Variants in TULP4 observed in about 807,000 individuals in gnomAD.
The protein encoded by TULP4 is TUB like protein 4.
Under a neutral mutation model 129.0 loss-of-function variants are expected in TULP4, and 16 were observed. The ratio of observed to expected loss-of-function variants is 0.12; its 90% CI spans 0.08 to 0.19. The LOEUF (loss-of-function observed/expected upper bound fraction) is 0.19. TULP4 is among the 10% of genes least tolerant of loss of function. The pLI is 1.00. For missense variants in TULP4, 1,842 were observed against 2,059.1 expected (o/e 0.89, Z 2.04); for synonymous variants, 998 against 854.0 (o/e 1.17, Z -2.94).
chr6:158,304,474 A>G (rs771147074), intron 1 of TULP4, among the ~76,000 whole-genome samples: 4 of 152,180 alleles, frequency 2.6e-5, no homozygotes, highest in Non-Finnish European at 5.9e-5. Flanking sequence ...ATTTATTCTT[A>G]ATGAAAACAC....
intron 1 of TULP4, among the ~76,000 whole-genome samples, chr6:158,263,926 G>A (rs1224016054): frequency 6.6e-6 from 1 of 152,072 alleles, no homozygotes; most frequent in Non-Finnish European, 1.5e-5. Context: ...ACCTGGGCGT[G>A]GTGGCAGGTG....
intron 1 of TULP4, among the ~76,000 whole-genome samples, chr6:158,260,443 G>A (rs1158349273): frequency 6.6e-6 from 1 of 152,074 alleles, no homozygotes; most frequent in Non-Finnish European, 1.5e-5. Flanking sequence ...GGGCGAGGTG[G>A]TGGGCGCCTG....
intron 1 of TULP4, among the ~76,000 whole-genome samples, chr6:158,384,568 G>A (rs538071020): frequency 4.6e-5 from 7 of 152,248 alleles, no homozygotes; most frequent in South Asian, 4.1e-4. Flanking sequence ...GATTACAGGC[G>A]TGAGCCACCA....
In TULP4 at chr6:158,507,623, C is replaced by G. The variant is rs958389706; in HGVS notation, c.*929C>G. 1 of 152,182 alleles carries G rather than the reference C, an allele frequency of 6.6e-6. No homozygotes were observed. Among genetic ancestry groups the G allele is most frequent in the Admixed American group, 6.5e-5 (1 of 15,286 alleles). The allele number at this position is 152,182 out of a possible 1,614,324, so 9.4% of individuals were successfully genotyped here. A position where few individuals can be genotyped will look rare whatever the true frequency, so the allele number is the denominator to read the frequency against. Reference sequence around the variant, plus strand: ...AATAATGTGGTGACAGTCACTAGATCCTCACATGCTGAGAAACAGCCTCTA... The same window carrying G: ...AATAATGTGGTGACAGTCACTAGATGCTCACATGCTGAGAAACAGCCTCTA... On this transcript the variant is annotated 3_prime_UTR_variant, in exon 14 of 14. Coordinates refer to ENST00000367097, the MANE Select transcript of TULP4 (RefSeq NM_020245.5).
chr6:158,378,873 G>C (rs947676009), intron 1 of TULP4, among the ~76,000 whole-genome samples: 1 of 152,198 alleles, frequency 6.6e-6, no homozygotes, highest in Non-Finnish European at 1.5e-5. Context: ...AAGTGAACTT[G>C]TATTTAATTG....
intron 1 of TULP4, among the ~76,000 whole-genome samples, chr6:158,379,738 A>G (rs1396374803): frequency 6.6e-6 from 1 of 152,214 alleles, no homozygotes. Context: ...CAAAGAAAGA[A>G]AGTGAGGGGA....
intron 2 of TULP4, among the ~76,000 whole-genome samples, chr6:158,424,199 C>T (rs562535983): frequency 4.0e-4 from 61 of 152,240 alleles, no homozygotes; most frequent in African/African-American, 1.3e-3. Context: ...TGGAAGCACA[C>T]GTATATGATG....
At chr6:158,323,486 G>A (rs1779680833) in intron 1 of TULP4, among the ~76,000 whole-genome samples, 2 of 152,104 alleles carry the variant, frequency 1.3e-5, no homozygotes, top group African/African-American at 4.8e-5. Flanking sequence ...CAACTCTTCT[G>A]GTAAAGCAAC....
intron 1 of TULP4, among the ~76,000 whole-genome samples, chr6:158,409,821 A>G (rs1358648391): frequency 1.3e-5 from 2 of 151,916 alleles, no homozygotes; most frequent in Admixed American, 1.3e-4. Context: ...AAATGGGACT[A>G]TGTTTCCATG....
At chr6:158,434,147 CA>C (rs1778698194) in intron 3 of TULP4, among the ~76,000 whole-genome samples, 1 of 152,184 alleles carries the variant, frequency 6.6e-6, no homozygotes, top group Non-Finnish European at 1.5e-5. Context: ...CATATTACCT[CA>C]TTTAACTGTA....
intron 1 of TULP4, among the ~76,000 whole-genome samples, chr6:158,375,699 G>A (rs150005608): frequency 5.3e-5 from 8 of 152,170 alleles, no homozygotes; most frequent in South Asian, 2.1e-4. Flanking sequence ...TAAAATGCAC[G>A]CTGCTTAGTT....
At position 158,274,340 on chromosome 6, in the gene TULP4, C is replaced by G. The variant is rs183982818; in HGVS notation, n.69-37711C>G. Among the ~76,000 whole-genome samples, 214 of 152,318 alleles carry G rather than the reference C, an allele frequency of 1.4e-3. 1 individual carries two copies. Among genetic ancestry groups the G allele is most frequent in the African/African-American group, 4.5e-3 (188 of 41,576 alleles). On this transcript the variant is annotated intron_variant and non_coding_transcript_variant, in intron 1 of 1. Transcript: ENST00000620026. ...CCCAGCTGCTCTCTTGTCCCTCTCTCTAATGAGCATCTTAGTGCTGGCCAC... is the reference window on the plus strand; with the variant it reads ...CCCAGCTGCTCTCTTGTCCCTCTCTGTAATGAGCATCTTAGTGCTGGCCAC...
intron 1 of TULP4, among the ~76,000 whole-genome samples, chr6:158,347,524 C>T (rs1780340513): frequency 6.6e-6 from 1 of 152,162 alleles, no homozygotes; most frequent in Non-Finnish European, 1.5e-5. Context: ...GACCAATCTA[C>T]CCTCTGACTT....
chr6:158,410,984 G>C (rs1187397887), intron 1 of TULP4, among the ~76,000 whole-genome samples: 1 of 152,058 alleles, frequency 6.6e-6, no homozygotes, highest in African/African-American at 2.4e-5. Context: ...TTTATCATAG[G>C]CAGGCAGGCA....
At position 158,494,854 on chromosome 6, in the gene TULP4, T is replaced by C; in HGVS notation, c.1870+8T>C. 1 of 1,612,698 alleles carries C rather than the reference T, an allele frequency of 6.2e-7. No individual in the cohort carries two copies. The highest frequency in any genetic ancestry group is 8.5e-7 in the Non-Finnish European group (1 of 1,178,858). ...CAACCAACCTCGGTGCAGGTAAAAA[T>C]CATGTCCTCTTCTCTCATTGTCCCA... is the stretch of plus-strand genomic sequence containing the variant. On this transcript the variant is annotated splice_region_variant and intron_variant, in intron 11 of 13. Transcript: ENST00000367097.
chr6:158,266,320 A>G (rs1778444682), intron 1 of TULP4, among the ~76,000 whole-genome samples: 1 of 152,222 alleles, frequency 6.6e-6, no homozygotes, highest in African/African-American at 2.4e-5. Context: ...GCGGTGATGC[A>G]GTCACGACTC....
chr6:158,500,876 C>G (rs1287899170), intron 12 of TULP4, among the ~76,000 whole-genome samples: 2 of 152,172 alleles, frequency 1.3e-5, no homozygotes, highest in African/African-American at 2.4e-5. Context: ...ACCAGCCTGG[C>G]CAACATGGCA....
intron 1 of TULP4, among the ~76,000 whole-genome samples, chr6:158,265,155 A>G (rs1447911837): frequency 6.6e-6 from 1 of 152,216 alleles, no homozygotes; most frequent in Non-Finnish European, 1.5e-5. Context: ...GTTCACTTGC[A>G]GATGGGAAAG....
rs746265193 is a variant in TULP4, at chr6:158,503,772, C to T, written c.4109C>T (p.Ser1370Phe). The T allele has an allele frequency of 6.2e-7, 1 of 1,614,102 alleles. No individual in the cohort carries two copies. Among genetic ancestry groups the T allele is most frequent in the Non-Finnish European group, 8.5e-7 (1 of 1,180,040 alleles). Residue 1370 changes from serine (S) to phenylalanine (F), a missense_variant, in exon 13 of 14, where the codon TCC becomes TTC. Coordinates refer to ENST00000367097, the MANE Select transcript of TULP4 (RefSeq NM_020245.5). The surrounding 1 kb of genome is among the most constrained non-coding windows in gnomAD (Gnocchi z 4.3). Reference sequence around the variant, plus strand: ...GCTAGGACTTTGAGTGACTTTAATTCCCTAATCTCCAGCCCACACCTGGGG... The same window carrying T: ...GCTAGGACTTTGAGTGACTTTAATTTCCTAATCTCCAGCCCACACCTGGGG... ...KEARTLSDFN[S>F]LISSPHLGRE...
Sources: allele counts gnomAD v4.1 joint callset (sites outside exome capture counted in the v4.1 genomes callset), GRCh38; gene constraint gnomAD v4.1.1; non-coding constraint Gnocchi (gnomAD v3.1); transcripts MANE v1.5; gene names NCBI Gene and HGNC (gene_info 2026-07-23, HGNC 2026-07-21).